The following CEP128 variants were observed in gnomAD, a reference collection of about 807,000 sequenced individuals.
The protein encoded by CEP128 is centrosomal protein 128.
CEP128 carries 132 observed loss-of-function variants against 156.7 expected under a neutral mutation model. That is an observed-to-expected ratio of 0.84 (90% CI 0.73 to 0.97). The LOEUF is 0.97. CEP128 is among the 50% of genes least tolerant of loss of function. CEP128 has a pLI of 0.00. For missense variants in CEP128, 1,252 were observed against 1,281.9 expected, an observed-to-expected ratio of 0.98 and a Z score of 0.36; for synonymous variants, 469 against 448.9, an observed-to-expected ratio of 1.04 and a Z score of -0.57.
chr14:80,821,725 G>A (rs917092808), intron 13 of CEP128, among the ~76,000 whole-genome samples: 54 of 151,502 alleles, frequency 3.6e-4, no homozygotes, highest in African/African-American at 1.1e-3. Flanking sequence ...ACCCAGACTG[G>A]AGTGAAGTGG....
chr14:80,935,711 G>A (rs1035755115), intron 2 of CEP128, among the ~76,000 whole-genome samples: 12 of 123,244 alleles, frequency 9.7e-5, no homozygotes, highest in African/African-American at 3.5e-4. Flanking sequence ...GAAATTAATC[G>A]TTTTTAAAGA....
chr14:80,613,710 C>T (rs74064297), intron 19 of CEP128, among the ~76,000 whole-genome samples: 5,218 of 152,132 alleles, frequency 0.034, 305 homozygotes, highest in African/African-American at 0.12. Context: ...TGTACATATG[C>T]TGTTTATATT....
At chr14:80,485,059 GTC>G (rs1887132483) in intron 14 of CEP128, among the ~76,000 whole-genome samples, 1 of 152,224 alleles carries the variant, frequency 6.6e-6, no homozygotes, top group South Asian at 2.1e-4. Context: ...GTGGACAGCT[GTC>G]TCTCAGTGGC....
chr14:80,932,243 G>A lies in CEP128; in HGVS notation c.-16+7142C>T, dbSNP rs754031380. On this transcript the variant is annotated intron_variant, in intron 2 of 24. Coordinates refer to ENST00000555265, the MANE Select transcript of CEP128 (RefSeq NM_152446.5). ...TTTCCTTTATAAATTACCCAGTCTC[G>A]GGTATTTCTTCATAGCAGCATGAGA... is the stretch of plus-strand genomic sequence containing the variant. Among the ~76,000 whole-genome samples the A allele has an allele frequency of 3.9e-5, 6 of 152,274 alleles. No individual in the cohort carries two copies. In the South Asian group the frequency reaches 6.2e-4, roughly 16 times the overall value.
At chr14:80,593,764 A>C (rs1469261691) in intron 19 of CEP128, among the ~76,000 whole-genome samples, 2 of 152,180 alleles carry the variant, frequency 1.3e-5, no homozygotes, top group Non-Finnish European at 1.5e-5. Context: ...ACAACTTACA[A>C]GGGATGTGAA....
At chr14:80,889,123 TAA>T (rs1435636296) in intron 8 of CEP128, among the ~76,000 whole-genome samples, 1 of 152,028 alleles carries the variant, frequency 6.6e-6, no homozygotes, top group Admixed American at 6.6e-5. Flanking sequence ...CTCAAGGAAA[TAA>T]GAGAGGACAC....
chr14:80,898,153 T>C (rs1005264491), intron 7 of CEP128, among the ~76,000 whole-genome samples: 3 of 152,228 alleles, frequency 2.0e-5, no homozygotes, highest in African/African-American at 4.8e-5. Context: ...TTCTAAAAGT[T>C]TGCTTCCCAG....
intron 21 of CEP128, among the ~76,000 whole-genome samples, chr14:80,534,846 A>AAAG (rs56698828): frequency 4.0e-5 from 6 of 150,660 alleles, no homozygotes; most frequent in African/African-American, 1.2e-4. Flanking sequence ...AAAAAAAAAA[A>AAAG]GGGAGCAAAG....
At chr14:80,763,115 G>A (rs1003427097) in intron 16 of CEP128, among the ~76,000 whole-genome samples, 1 of 152,132 alleles carries the variant, frequency 6.6e-6, no homozygotes. Context: ...ATAGGTTAAC[G>A]AATAGGAAAT....
intron 8 of CEP128, among the ~76,000 whole-genome samples, chr14:80,877,662 G>C (rs1888346351): frequency 6.6e-6 from 1 of 152,134 alleles, no homozygotes; most frequent in Non-Finnish European, 1.5e-5. Context: ...GGAAGGAAAG[G>C]AATCACCTTG....
intron 9 of CEP128, among the ~76,000 whole-genome samples, chr14:80,843,416 G>A (rs1886438224): frequency 6.6e-6 from 1 of 152,040 alleles, no homozygotes; most frequent in Non-Finnish European, 1.5e-5. Flanking sequence ...AGAACATGTA[G>A]ATCATTCACT....
At chr14:80,890,679 G>A (rs142081995) in intron 8 of CEP128, among the ~76,000 whole-genome samples, 4,720 of 152,042 alleles carry the variant, frequency 0.031, 244 homozygotes, top group African/African-American at 0.11. Flanking sequence ...TAATGCATGC[G>A]GGGCTTAAAA....
chr14:80,756,448 T>G (rs1326747550), intron 18 of CEP128, among the ~76,000 whole-genome samples: 1 of 152,204 alleles, frequency 6.6e-6, no homozygotes, highest in African/African-American at 2.4e-5. Flanking sequence ...CTCATCTTCA[T>G]GTCATTGTTC....
At chr14:80,804,006 AT>A (rs1178355137) in intron 13 of CEP128, among the ~76,000 whole-genome samples, 1 of 152,090 alleles carries the variant, frequency 6.6e-6, no homozygotes, top group African/African-American at 2.4e-5. Flanking sequence ...ATTTTTATAT[AT>A]TTACATATAT....
intron 13 of CEP128, among the ~76,000 whole-genome samples, chr14:80,829,590 T>A (rs981016019): frequency 2.0e-5 from 3 of 152,130 alleles, no homozygotes; most frequent in Non-Finnish European, 4.4e-5. Flanking sequence ...CAATTTTAGA[T>A]CCACTGTGAG....
At chr14:80,683,451 T>C (rs574099386) in intron 19 of CEP128, among the ~76,000 whole-genome samples, 25 of 152,106 alleles carry the variant, frequency 1.6e-4, no homozygotes, top group South Asian at 8.3e-4. Flanking sequence ...CCACCCAACA[T>C]TGAAGCATCA....
At chr14:80,699,402 T>C (rs1369041856) in intron 19 of CEP128, among the ~76,000 whole-genome samples, 8 of 152,330 alleles carry the variant, frequency 5.3e-5, no homozygotes, top group South Asian at 2.1e-4. Flanking sequence ...CTTTAAACCA[T>C]TGCTTAATGT....
At chr14:80,592,547 C>T (rs1167956960) in intron 19 of CEP128, among the ~76,000 whole-genome samples, 1 of 152,180 alleles carries the variant, frequency 6.6e-6, no homozygotes, top group African/African-American at 2.4e-5. Context: ...CAGACGGATT[C>T]ACAGCCGAAT....
intron 19 of CEP128, among the ~76,000 whole-genome samples, chr14:80,624,396 G>C (rs995896551): frequency 1.3e-5 from 2 of 152,016 alleles, no homozygotes; most frequent in Non-Finnish European, 2.9e-5. Context: ...TTGGGGTGCA[G>C]GTACCTCTTC....
Sources: allele counts gnomAD v4.1 joint callset (sites outside exome capture counted in the v4.1 genomes callset), GRCh38; gene constraint gnomAD v4.1.1; transcripts MANE v1.5; gene names NCBI Gene and HGNC (gene_info 2026-07-23, HGNC 2026-07-21).